ERBB4: variants seen among roughly 807,000 people sequenced by gnomAD.
ERBB4 encodes receptor tyrosine-protein kinase erbB-4.
ERBB4 carries 42 observed loss-of-function variants against 158.0 expected under a neutral mutation model. That is an observed-to-expected ratio of 0.27 (90% CI 0.21 to 0.34). The LOEUF is 0.34. Among genes scored for constraint, ERBB4 ranks in the 10% least tolerant of loss-of-function variants. The pLI, the probability that ERBB4 is intolerant of heterozygous loss-of-function variation, is 1.00. For synonymous variants in ERBB4, 583 were observed against 558.7 expected, an observed-to-expected ratio of 1.04 and a Z score of -0.61; for missense variants, 1,333 against 1,624.1, an observed-to-expected ratio of 0.82 and a Z score of 3.08.
intron 2 of ERBB4, among the ~76,000 whole-genome samples, chr2:211,960,393 C>A (rs984874116): frequency 2.0e-5 from 3 of 152,054 alleles, no homozygotes; most frequent in Non-Finnish European, 2.9e-5. Flanking sequence ...TAATAATATT[C>A]AATGACATAA....
chr2:211,914,854 T>C (rs1482729024), intron 3 of ERBB4, among the ~76,000 whole-genome samples: 3 of 152,114 alleles, frequency 2.0e-5, no homozygotes, highest in Admixed American at 6.6e-5. Flanking sequence ...ATTATTACTA[T>C]GTATATTTTA....
intron 1 of ERBB4, among the ~76,000 whole-genome samples, chr2:212,228,142 T>C (rs2083537863): frequency 2.0e-5 from 3 of 152,224 alleles, no homozygotes; most frequent in African/African-American, 4.8e-5. Flanking sequence ...CTGATTTCTA[T>C]ATATAAAGCT....
chr2:212,017,756 G>A (rs143827604), intron 2 of ERBB4, among the ~76,000 whole-genome samples: 111 of 152,132 alleles, frequency 7.3e-4, no homozygotes, highest in African/African-American at 2.6e-3. Context: ...GGCCTACAGT[G>A]GATATATCTT....
At chr2:212,278,976 A>G (rs1470687072) in intron 1 of ERBB4, among the ~76,000 whole-genome samples, 2 of 151,632 alleles carry the variant, frequency 1.3e-5, no homozygotes, top group Non-Finnish European at 3.0e-5. Flanking sequence ...TTTCCTTTGC[A>G]TATATGTTGC....
At chr2:211,894,906 T>C (rs1172128838) in intron 3 of ERBB4, among the ~76,000 whole-genome samples, 2 of 152,212 alleles carry the variant, frequency 1.3e-5, no homozygotes, top group African/African-American at 4.8e-5. Flanking sequence ...ATCACTAATA[T>C]CTAACATGAT....
chr2:212,391,637 CATATA>C (rs2090860063), intron 1 of ERBB4, among the ~76,000 whole-genome samples: 1 of 107,658 alleles, frequency 9.3e-6, no homozygotes, highest in Admixed American at 9.8e-5. Context: ...ATTATATTGA[CATATA>C]ATATTATATA....
intron 1 of ERBB4, among the ~76,000 whole-genome samples, chr2:212,130,530 AC>A (rs1474394179): frequency 6.6e-6 from 1 of 152,060 alleles, no homozygotes; most frequent in Admixed American, 6.6e-5. Context: ...AAATAATGAA[AC>A]CTTAACAATA....
chr2:212,128,927 GAAA>G (rs754958917), intron 1 of ERBB4, among the ~76,000 whole-genome samples: 3 of 151,870 alleles, frequency 2.0e-5, no homozygotes, highest in African/African-American at 7.3e-5. Flanking sequence ...GGCCCTTTTG[GAAA>G]AAACCTTAAT....
chr2:211,420,377 A>ACGAAC, intron 25 of ERBB4, 64 bp downstream of exon 25: 1 of 1,159,424 alleles, frequency 8.6e-7, no homozygotes, highest in Non-Finnish European at 1.3e-6. Context: ...GTTAGTGCTT[A>ACGAAC]TGAACTATTA....
At chr2:211,768,108 T>C (rs531409039) in intron 4 of ERBB4, among the ~76,000 whole-genome samples, 10 of 152,262 alleles carry the variant, frequency 6.6e-5, no homozygotes, top group African/African-American at 2.4e-4. Context: ...ATGAAGGGGC[T>C]CCAGGTGCCA....
intron 1 of ERBB4, among the ~76,000 whole-genome samples, chr2:212,156,956 C>A (rs931797039): frequency 6.6e-6 from 1 of 152,104 alleles, no homozygotes; most frequent in South Asian, 2.1e-4. Context: ...CCTAACTGGT[C>A]TCCTGTGCTT....
chr2:211,956,048 G>GTGTC (rs2081019932), intron 2 of ERBB4, among the ~76,000 whole-genome samples: 1 of 151,696 alleles, frequency 6.6e-6, no homozygotes, highest in African/African-American at 2.4e-5. Context: ...GTGTGTGTGT[G>GTGTC]TGTGTGTGTG....
At chr2:211,513,128 C>G (rs985462699) in intron 20 of ERBB4, among the ~76,000 whole-genome samples, 3 of 151,170 alleles carry the variant, frequency 2.0e-5, no homozygotes, top group African/African-American at 7.3e-5. Context: ...CCCTCAAGCC[C>G]TGTTTAAAAA....
intron 1 of ERBB4, among the ~76,000 whole-genome samples, chr2:212,454,874 T>C (rs1688198825): frequency 6.6e-6 from 1 of 150,972 alleles, no homozygotes; most frequent in South Asian, 2.1e-4. Flanking sequence ...TCCTTTAGGT[T>C]TTTTTTTTAT....
intron 1 of ERBB4, among the ~76,000 whole-genome samples, chr2:212,319,105 TTTGTGGC>T (rs1434119849): frequency 6.6e-6 from 1 of 151,642 alleles, no homozygotes; most frequent in Non-Finnish European, 1.5e-5. Flanking sequence ...GGCAGCTCAT[TTTGTGGC>T]ACAAGTCAAA....
chr2:212,218,426 T>TGGGTTTGTTTGTTTGC (rs2083177586), intron 1 of ERBB4, among the ~76,000 whole-genome samples: 1 of 151,316 alleles, frequency 6.6e-6, no homozygotes, highest in African/African-American at 2.4e-5. Flanking sequence ...TGTTTGTTTG[T>TGGGTTTGTTTGTTTGC]GTGTTTGTTT....
intron 1 of ERBB4, among the ~76,000 whole-genome samples, chr2:212,490,413 C>A (rs1243345781): frequency 1.3e-5 from 2 of 151,408 alleles, no homozygotes; most frequent in East Asian, 1.9e-4. Flanking sequence ...TATTTTCATG[C>A]CCTCACTGTC....
intron 13 of ERBB4, among the ~76,000 whole-genome samples, chr2:211,677,534 G>A (rs1206917043): frequency 2.7e-5 from 4 of 149,836 alleles, no homozygotes; most frequent in African/African-American, 4.9e-5. Flanking sequence ...TTGCACTCCA[G>A]CCTGGGCAAC....
At chr2:212,154,801 C>T (rs1034574350) in intron 1 of ERBB4, among the ~76,000 whole-genome samples, 1 of 152,116 alleles carries the variant, frequency 6.6e-6, no homozygotes, top group Non-Finnish European at 1.5e-5. Flanking sequence ...AAAAACAGTA[C>T]TCTCTTATTT....
Sources: gnomAD v4.1 joint callset for allele counts (sites outside exome capture counted in the v4.1 genomes callset) on GRCh38, gnomAD v4.1.1 for gene constraint, MANE v1.5 for transcripts, NCBI Gene and HGNC (gene_info 2026-07-23, HGNC 2026-07-21) for gene names.